The following TMEM63A variants were observed in gnomAD, a reference collection of about 807,000 sequenced individuals.
TMEM63A encodes the protein mechanosensitive cation channel TMEM63A.
TMEM63A carries 76 observed loss-of-function variants against 100.6 expected under a neutral mutation model. The ratio of observed to expected loss-of-function variants is 0.76; its 90% CI spans 0.63 to 0.91. TMEM63A has a LOEUF of 0.91. Among genes scored for constraint, TMEM63A ranks in the 40% least tolerant of loss-of-function variants. TMEM63A has a pLI of 0.00. For synonymous variants in TMEM63A, 401 were observed against 401.1 expected (o/e 1.00, Z 0.00); for missense variants, 876 against 1,008.8 (o/e 0.87, Z 1.78).
In TMEM63A at chr1:225,859,240, T is replaced by C. The variant is rs1265050049; in HGVS notation, c.1333A>G (p.Thr445Ala). The part of the protein sequence containing the change: ...FLTTPSIILS[T>A]MDKFNVTKPI... Reference sequence around the variant, plus strand: ...TTGGTGACATTAAACTTGTCCATGGTGGACAGGATGATGGAGGGTGTGGTC... The same window carrying C: ...TTGGTGACATTAAACTTGTCCATGGCGGACAGGATGATGGAGGGTGTGGTC... Residue 445 changes from threonine to alanine, a missense_variant, in exon 15 of 25, where the codon ACC becomes GCC. Transcript: ENST00000366835. The C allele has an allele frequency of 1.2e-6, 2 of 1,614,030 alleles. No individual in the cohort carries two copies. Among genetic ancestry groups the C allele is most frequent in the African/African-American group, 1.3e-5 (1 of 74,980 alleles).
intron 5 of TMEM63A, 38 bp downstream of exon 5, chr1:225,871,949 C>G (rs761741215): frequency 1.2e-5 from 18 of 1,514,238 alleles, no homozygotes; most frequent in Non-Finnish European, 1.6e-5. Flanking sequence ...CAGTCCCCAC[C>G]CCCTGGCCAT....
At chr1:225,871,317 T>G (rs1670498580) in intron 5 of TMEM63A, among the ~76,000 whole-genome samples, 1 of 152,218 alleles carries the variant, frequency 6.6e-6, no homozygotes, top group Non-Finnish European at 1.5e-5. Flanking sequence ...TCCTGACAAC[T>G]TCGTGGTCAA....
At chr1:225,866,802 G>A in intron 8 of TMEM63A, 120 bp from the exon 9 acceptor site, 1 of 864,136 alleles carries the variant, frequency 1.2e-6, no homozygotes, top group Non-Finnish European at 1.8e-6. Context: ...TTCACTGCAA[G>A]AGATGCCTCC....
rs2102609648 is a variant in TMEM63A, at chr1:225,856,939, A to C, written c.1456T>G (p.Ser486Ala). ...SALLPSIVYY[S>A]TLLESHWTKS... ...GTCCAGTGAGACTCCAGCAGTGTAG[A>C]GTAGTAGACAATGGAGGGGAGCAGG... Residue 486 changes from serine to alanine, a missense_variant, in exon 16 of 25, where the codon TCT becomes GCT. By Grantham distance (99) the Ser-to-Ala change is moderately conservative. Transcript: ENST00000366835. 6.2e-7 allele frequency: 1 copy of C among 1,607,176 alleles called. No homozygotes were observed.
chr1:225,845,381 CA>C (rs755165542), downstream of TMEM63A: 5 of 1,542,680 alleles, frequency 3.2e-6, no homozygotes, highest in South Asian at 1.2e-5. Flanking sequence ...CACCTCCCCC[CA>C]CAAGTGCCCT....
chr1:225,867,288 C>G lies in TMEM63A; in HGVS notation c.515-125G>C. 1.0e-6 allele frequency: 1 copy of G among 970,346 alleles called. No individual in the cohort carries two copies. 60.1% of individuals were successfully genotyped at this position (970,346 alleles called of 1,614,324 possible). ...CATGTCTGGACCAGCAGGAAGACAA[C>G]GTCTGACTGGTCTTTCCAGAGCTAC... On this transcript the variant is annotated intron_variant, in intron 7 of 24. Transcript: ENST00000366835. The surrounding 1 kb of genome is among the most constrained non-coding windows in gnomAD (Gnocchi z 4.6).
chr1:225,881,622 A>C (rs1221663381), intron 1 of TMEM63A, among the ~76,000 whole-genome samples: 1 of 152,184 alleles, frequency 6.6e-6, no homozygotes, highest in Non-Finnish European at 1.5e-5. Context: ...AGAGGTGTCA[A>C]GGGAGGGTCA....
At chr1:225,845,006 C>T, downstream of TMEM63A, 1 of 947,500 alleles carries the variant, frequency 1.1e-6, no homozygotes, top group Non-Finnish European at 1.7e-6. Context: ...GCGGTTGAGA[C>T]CCTGGATTTG....
chr1:225,861,670 G>A (rs1669945028), intron 13 of TMEM63A: 1 of 163,864 alleles, frequency 6.1e-6, no homozygotes, highest in African/African-American at 2.4e-5. Context: ...CCTAAGGCGA[G>A]ATGACACTGA....
At chr1:225,869,253 T>C (rs183992065) in intron 6 of TMEM63A, among the ~76,000 whole-genome samples, 51 of 152,362 alleles carry the variant, frequency 3.3e-4, no homozygotes, top group African/African-American at 1.2e-3. Context: ...ATCAAACACC[T>C]AGTCCTGTAC....
At chr1:225,860,794 G>A (rs962592489) in intron 14 of TMEM63A, 66 bp downstream of exon 14, 2 of 1,522,590 alleles carry the variant, frequency 1.3e-6, no homozygotes, top group Non-Finnish European at 1.8e-6. Context: ...CTGTGCTCCA[G>A]GTGATGGGCA....
chr1:225,858,216 A>G (rs111433214), intron 15 of TMEM63A, among the ~76,000 whole-genome samples: 58 of 152,276 alleles, frequency 3.8e-4, no homozygotes, highest in African/African-American at 1.3e-3. Context: ...TGAGAAACCA[A>G]TAGCTTTTTG....
chr1:225,871,640 A>T (rs1670511816), intron 5 of TMEM63A: 1 of 307,264 alleles, frequency 3.3e-6, no homozygotes, highest in Admixed American at 4.6e-5. Flanking sequence ...GCGCTGGGAA[A>T]CAGGGCTGGA....
chr1:225,843,945 G>C (rs1457148712), downstream of TMEM63A, among the ~76,000 whole-genome samples: 1 of 152,212 alleles, frequency 6.6e-6, no homozygotes, highest in Non-Finnish European at 1.5e-5. Context: ...CAGGGTTTGA[G>C]TGAGGAAGGT....
At chr1:225,871,602 C>T (rs1670509551) in intron 5 of TMEM63A, 1 of 248,640 alleles carries the variant, frequency 4.0e-6, no homozygotes. Flanking sequence ...ATTCATTCAA[C>T]AATGACTAAA....
chr1:225,874,787 A>G (rs1015011898), intron 3 of TMEM63A, among the ~76,000 whole-genome samples: 2 of 152,192 alleles, frequency 1.3e-5, no homozygotes, highest in African/African-American at 4.8e-5. Flanking sequence ...TTCACTTTAC[A>G]GAAAATTTTT....
intron 15 of TMEM63A, among the ~76,000 whole-genome samples, chr1:225,857,357 G>A (rs1257987303): frequency 7.3e-6 from 1 of 137,666 alleles, no homozygotes; most frequent in African/African-American, 2.7e-5. Flanking sequence ...ACTGAACACC[G>A]AAGGCCTGGA....
In TMEM63A at chr1:225,853,327, G is replaced by A. The variant is rs1226486058; in HGVS notation, c.1797+302C>T. Among the ~76,000 whole-genome samples, 3 of 152,186 alleles carry A rather than the reference G, an allele frequency of 2.0e-5. No homozygotes were observed. The highest frequency in any genetic ancestry group is 7.2e-5 in the African/African-American group (3 of 41,450). On this transcript the variant is annotated intron_variant, in intron 19 of 24. Coordinates refer to ENST00000366835, the MANE Select transcript of TMEM63A (RefSeq NM_014698.3). The surrounding 1 kb of genome is among the most constrained non-coding windows in gnomAD (Gnocchi z 4.0). ...GGTTTGGCTAAGAATTTATGCAAAT[G>A]GGTGCCTACAGAAAAAGAGTCTGTT...
Position 225,867,947 on chromosome 1 carries a change from A to C in TMEM63A, c.455T>G (p.Val152Gly). The C allele has an allele frequency of 6.2e-7, 1 of 1,614,154 alleles. No homozygotes were observed. Among genetic ancestry groups the C allele is most frequent in the Non-Finnish European group, 8.5e-7 (1 of 1,180,022 alleles). Residue 152 changes from valine to glycine, a missense_variant, in exon 7 of 25, where the codon GTG becomes GGG. This residue lies in a region of TMEM63A where 487 missense variants were observed against 581.9 expected (regional missense o/e 0.84). Transcript: ENST00000366835. The surrounding 1 kb of genome is among the most constrained non-coding windows in gnomAD (Gnocchi z 4.6). The part of the protein sequence containing the change: ...FQRHIIFLLV[V>G]VSFLSLCVIL... ...GACACACAGGGACAAAAAGCTGACC[A>C]CCACCAACAGGAAGATGATGTGCCT...
Sources: allele counts gnomAD v4.1 joint callset (sites outside exome capture counted in the v4.1 genomes callset), GRCh38; gene constraint gnomAD v4.1.1; regional missense constraint gnomAD v4.1.1; non-coding constraint Gnocchi (gnomAD v3.1); transcripts MANE v1.5; gene names NCBI Gene and HGNC (gene_info 2026-07-23, HGNC 2026-07-21).